Variants in SDK1 observed in about 807,000 individuals in gnomAD.
SDK1 encodes the protein sidekick cell adhesion molecule 1.
Under a neutral mutation model 245.5 loss-of-function variants are expected in SDK1, and 157 were observed. The ratio of observed to expected loss-of-function variants is 0.64; its 90% CI spans 0.56 to 0.73. SDK1 has a LOEUF of 0.73. Among genes scored for constraint, SDK1 ranks in the 30% least tolerant of loss-of-function variants. The pLI, the probability that SDK1 is intolerant of heterozygous loss-of-function variation, is 0.00. For missense variants in SDK1, 3,583 were observed against 3,002.3 expected, an observed-to-expected ratio of 1.19 and a Z score of -4.52; for synonymous variants, 1,647 against 1,278.5, an observed-to-expected ratio of 1.29 and a Z score of -6.15.
intron 5 of SDK1, among the ~76,000 whole-genome samples, chr7:3,929,038 C>T (rs1488914075): frequency 8.5e-5 from 13 of 152,272 alleles, no homozygotes. Context: ...GAGGACACAT[C>T]AGACACAGTT....
chr7:4,061,389 C>G lies in SDK1; in HGVS notation c.2912-6449C>G, dbSNP rs1471391233. Among the ~76,000 whole-genome samples the G allele has an allele frequency of 2.0e-5, 3 of 152,120 alleles. No individual in the cohort carries two copies. In the South Asian group the frequency reaches 6.2e-4, roughly 32 times the overall value. The stretch of plus-strand genomic sequence containing the variant: ...TGAAAACACATGAAAAAATGCTCAC[C>G]ATCACTGGCCATCAGAGAAATGCAA... On this transcript the variant is annotated intron_variant, in intron 19 of 44. Transcript: ENST00000404826.
chr7:3,613,265 T>C (rs749870231), intron 1 of SDK1, among the ~76,000 whole-genome samples: 6 of 152,192 alleles, frequency 3.9e-5, no homozygotes, highest in Non-Finnish European at 7.4e-5. Flanking sequence ...CCCATGTGAA[T>C]GATTTTTCCT....
intron 5 of SDK1, among the ~76,000 whole-genome samples, chr7:3,826,555 C>A (rs1040475049): frequency 1.3e-5 from 2 of 152,116 alleles, no homozygotes; most frequent in Non-Finnish European, 2.9e-5. Flanking sequence ...CCAGAAATGC[C>A]GTCGTCTTCA....
At chr7:3,837,564 G>A (rs1305667266) in intron 5 of SDK1, among the ~76,000 whole-genome samples, 3 of 152,166 alleles carry the variant, frequency 2.0e-5, no homozygotes, top group Admixed American at 2.0e-4. Flanking sequence ...GGTAAGTTGG[G>A]TGTTTGTGTT....
At chr7:3,951,110 C>T (rs1348799715) in intron 6 of SDK1, 76 bp downstream of exon 6, 6 of 1,111,780 alleles carry the variant, frequency 5.4e-6, no homozygotes, top group East Asian at 2.4e-5. Flanking sequence ...GAAGGATACA[C>T]TGGAGCATGA....
intron 29 of SDK1, among the ~76,000 whole-genome samples, chr7:4,147,180 A>G (rs1343800462): frequency 1.3e-5 from 2 of 152,170 alleles, no homozygotes; most frequent in Non-Finnish European, 2.9e-5. Flanking sequence ...CCACGCTCCT[A>G]TTTTTGTTTT....
Position 3,872,880 on chromosome 7 carries a change from C to G in SDK1, c.847+51297C>G, listed in dbSNP as rs572650025. 6.6e-5 allele frequency among the ~76,000 whole-genome samples: 10 copies of G among 152,220 alleles called. No homozygotes were observed. In the East Asian group the frequency reaches 1.7e-3, roughly 26 times the overall value. ...AACAGTGTATTTCTAATTCCCCTCT[C>G]CCATTCCTTCTACTATTATTGTCAT... On this transcript the variant is annotated intron_variant, in intron 5 of 44. Transcript: ENST00000404826.
intron 5 of SDK1, among the ~76,000 whole-genome samples, chr7:3,905,197 A>T (rs977459237): frequency 1.6e-4 from 25 of 152,084 alleles, no homozygotes; most frequent in African/African-American, 5.1e-4. Flanking sequence ...TATTTTTTAA[A>T]TAGCTACTAC....
intron 5 of SDK1, among the ~76,000 whole-genome samples, chr7:3,838,323 A>G (rs976282408): frequency 2.0e-5 from 3 of 152,228 alleles, no homozygotes; most frequent in Admixed American, 2.0e-4. Context: ...GCCACGGTTG[A>G]GAGAAGCACA....
chr7:3,404,223 A>G (rs897428985), intron 1 of SDK1, among the ~76,000 whole-genome samples: 2 of 152,108 alleles, frequency 1.3e-5, no homozygotes, highest in African/African-American at 4.8e-5. Context: ...CCTCAATTTG[A>G]AAAACATAAT....
At chr7:3,350,171 A>G (rs1780620338) in intron 1 of SDK1, among the ~76,000 whole-genome samples, 1 of 152,216 alleles carries the variant, frequency 6.6e-6, no homozygotes, top group Admixed American at 6.5e-5. Context: ...GGATCACAGA[A>G]GGAGAGAGTG....
At chr7:3,503,711 C>T (rs1424784724) in intron 1 of SDK1, among the ~76,000 whole-genome samples, 1 of 151,638 alleles carries the variant, frequency 6.6e-6, no homozygotes, top group East Asian at 1.9e-4. Flanking sequence ...TTTATAGTAC[C>T]ATTAATAAGA....
chr7:3,749,019 G>A (rs1217175253), intron 4 of SDK1, among the ~76,000 whole-genome samples: 1 of 152,186 alleles, frequency 6.6e-6, no homozygotes, highest in Non-Finnish European at 1.5e-5. Flanking sequence ...CTTAGATGGA[G>A]ACATGCCAGT....
intron 28 of SDK1, among the ~76,000 whole-genome samples, chr7:4,144,748 G>C (rs1779837796): frequency 6.6e-6 from 1 of 152,186 alleles, no homozygotes; most frequent in South Asian, 2.1e-4. Flanking sequence ...CCCACAGAGG[G>C]TGAGCCACCA....
At chr7:4,241,236 C>A (rs78809380) in intron 42 of SDK1, among the ~76,000 whole-genome samples, 1 of 152,070 alleles carries the variant, frequency 6.6e-6, no homozygotes, top group African/African-American at 2.4e-5. Flanking sequence ...TTTCTTTAGC[C>A]GTCACACTCC....
intron 4 of SDK1, among the ~76,000 whole-genome samples, chr7:3,737,983 G>A (rs1412828553): frequency 6.6e-6 from 1 of 152,174 alleles, no homozygotes; most frequent in Admixed American, 6.5e-5. Context: ...CTTATTCTGG[G>A]ATTTCCACAA....
At chr7:3,463,932 C>T (rs913011763) in intron 1 of SDK1, among the ~76,000 whole-genome samples, 1 of 152,190 alleles carries the variant, frequency 6.6e-6, no homozygotes, top group South Asian at 2.1e-4. Context: ...CATGTGTAAC[C>T]TCAGGGCTTT....
Position 3,511,960 on chromosome 7 carries a change from T to G in SDK1, c.299-107120T>G, listed in dbSNP as rs112195266. Among the ~76,000 whole-genome samples, 863 of 151,156 alleles carry G rather than the reference T, an allele frequency of 5.7e-3. 14 individuals carry two copies. The highest frequency in any genetic ancestry group is 0.02 in the African/African-American group (817 of 41,066). On this transcript the variant is annotated intron_variant, in intron 1 of 44. Coordinates refer to ENST00000404826, the MANE Select transcript of SDK1 (RefSeq NM_152744.4). ...GTTGCAACCATTGATGAGCCTGTAT[T>G]GACACCAGGATCACCTGAAGTCCAT...
At chr7:3,470,002 T>G (rs1219332119) in intron 1 of SDK1, among the ~76,000 whole-genome samples, 1 of 152,206 alleles carries the variant, frequency 6.6e-6, no homozygotes, top group African/African-American at 2.4e-5. Context: ...ATGCATGCAG[T>G]AATATCAATG....
Sources: gnomAD v4.1 joint callset for allele counts (sites outside exome capture counted in the v4.1 genomes callset) on GRCh38, gnomAD v4.1.1 for gene constraint, MANE v1.5 for transcripts, NCBI Gene and HGNC (gene_info 2026-07-23, HGNC 2026-07-21) for gene names.